Variants in PDCL2 observed in about 807,000 individuals in gnomAD.
The protein encoded by PDCL2 is phosducin-like protein 2.
A neutral mutation model predicts 30.3 loss-of-function variants in PDCL2; 23 were observed. The observed-to-expected ratio is 0.76, with a 90% CI of 0.55 to 1.08. PDCL2 has a LOEUF of 1.08. PDCL2 is among the 50% of genes least tolerant of loss of function. The pLI is 0.00. For missense variants in PDCL2, 243 were observed against 282.3 expected, an observed-to-expected ratio of 0.86 and a Z score of 1.00; for synonymous variants, 68 against 86.2, an observed-to-expected ratio of 0.79 and a Z score of 1.17.
intron 3 of PDCL2, among the ~76,000 whole-genome samples, 156 bp from the exon 4 acceptor site, chr4:55,570,017 TTC>T (rs1406678456): frequency 6.6e-6 from 1 of 152,146 alleles, no homozygotes; most frequent in Non-Finnish European, 1.5e-5. Flanking sequence ...TAAAACCAAT[TTC>T]TCTTTTTATA....
At chr4:55,588,519 C>T (rs915656094) in intron 1 of PDCL2, among the ~76,000 whole-genome samples, 3 of 152,268 alleles carry the variant, frequency 2.0e-5, no homozygotes, top group Non-Finnish European at 2.9e-5. Flanking sequence ...TGATGTCTCC[C>T]GAAATGCAAG....
In PDCL2 at chr4:55,559,166, G is replaced by A. The variant is rs572353961; in HGVS notation, c.572-2455C>T. The stretch of plus-strand genomic sequence containing the variant: ...AGATGTGGGTATATCTTCAAACACC[G>A]ATGGAAGGATAAATTGATACTTTCA... On this transcript the variant is annotated intron_variant, in intron 5 of 5. Coordinates refer to ENST00000295645, the MANE Select transcript of PDCL2 (RefSeq NM_152401.3). Among the ~76,000 whole-genome samples, 94 of 152,234 alleles carry A rather than the reference G, an allele frequency of 6.2e-4. 1 individual carries two copies. Among genetic ancestry groups the A allele is most frequent in the African/African-American group, 2.1e-3 (86 of 41,560 alleles).
At chr4:55,576,986 C>T (rs1216182934) in intron 3 of PDCL2, among the ~76,000 whole-genome samples, 1 of 152,002 alleles carries the variant, frequency 6.6e-6, no homozygotes, top group Non-Finnish European at 1.5e-5. Flanking sequence ...CAACCTCTGC[C>T]TCCCAGATTC....
At chr4:55,563,912 G>A (rs1732197417) in intron 4 of PDCL2, among the ~76,000 whole-genome samples, 1 of 152,154 alleles carries the variant, frequency 6.6e-6, no homozygotes, top group South Asian at 2.1e-4. Flanking sequence ...ACCTTTCAAG[G>A]CATCAGATTC....
chr4:55,569,779 C>T lies in PDCL2; in HGVS notation c.301G>A (p.Val101Met). 4 of 1,566,310 alleles carry T rather than the reference C, an allele frequency of 2.6e-6. No individual in the cohort carries two copies. In the South Asian group the frequency reaches 4.7e-5, roughly 18 times the overall value. Residue 101 changes from valine (V) to methionine (M), a missense_variant, in exon 4 of 6, where the codon GTG (valine) becomes ATG (methionine). Val to Met is a conservative substitution (Grantham distance 21, BLOSUM62 1). Coordinates refer to ENST00000295645, the MANE Select transcript of PDCL2 (RefSeq NM_152401.3). ...TCTTCTGCATTTGTGACTTCATTCA[C>T]ATACTGATTTCCAGAAATTTCTCTT... ...ELREISGNQY[V>M]NEVTNAEEDV...
chr4:55,592,218 C>G lies in PDCL2; in HGVS notation c.-109G>C. 6.6e-7 allele frequency: 1 copy of G among 1,508,686 alleles called. No individual in the cohort carries two copies. The highest frequency in any genetic ancestry group is 9.0e-7 in the Non-Finnish European group (1 of 1,114,460). 93.5% of individuals were successfully genotyped at this position (1,508,686 alleles called of 1,614,324 possible). ...GCTGGAAGAGCGCCCGCTTCAGGCC[C>G]GGCGGTTTCGAGTGACCGCCAGAAG... On this transcript the variant is annotated 5_prime_UTR_variant, in exon 1 of 6. Coordinates refer to ENST00000295645, the MANE Select transcript of PDCL2 (RefSeq NM_152401.3).
intron 2 of PDCL2, among the ~76,000 whole-genome samples, chr4:55,581,545 C>CA (rs1230498636): frequency 1.3e-5 from 2 of 151,994 alleles, no homozygotes; most frequent in African/African-American, 2.4e-5. Flanking sequence ...GGTAATAAGG[C>CA]AGAGGGACAT....
In PDCL2 at chr4:55,562,419, TTA is replaced by T. The variant is rs1732156508; in HGVS notation, c.554_555del (p.Ile185LysfsTer8). 1 of 1,413,642 alleles carries T rather than the reference TTA, an allele frequency of 7.1e-7. No homozygotes were observed. The highest frequency in any genetic ancestry group is 9.3e-7 in the Non-Finnish European group (1 of 1,076,660). The allele number at this position is 1,413,642 out of a possible 1,614,324, so 87.6% of individuals were successfully genotyped here. ...KFIGIIECGG[I>X]NLKLEELEWK... ...GTAACATTACCTTCCAGCTTGAGAT[TTA>T]TCCCTCCACATTCTATAATTCCAAT... On this transcript the variant is annotated frameshift_variant, in exon 5 of 6. Transcript: ENST00000295645. LOFTEE classifies it high-confidence loss of function.
At chr4:55,577,246 C>T (rs940313361) in intron 3 of PDCL2, among the ~76,000 whole-genome samples, 2 of 152,156 alleles carry the variant, frequency 1.3e-5, no homozygotes, top group Non-Finnish European at 2.9e-5. Flanking sequence ...AGGGGTAGCC[C>T]TCATGACCTA....
chr4:55,562,001 T>A (rs965655098), intron 5 of PDCL2, among the ~76,000 whole-genome samples: 2 of 151,982 alleles, frequency 1.3e-5, no homozygotes, highest in Non-Finnish European at 1.5e-5. Context: ...AACTTTGGAT[T>A]TGGATAATAG....
At chr4:55,581,513 A>G (rs915791289) in intron 2 of PDCL2, among the ~76,000 whole-genome samples, 1 of 152,200 alleles carries the variant, frequency 6.6e-6, no homozygotes, top group African/African-American at 2.4e-5. Flanking sequence ...AATACATACT[A>G]TAAAGAATGA....
At chr4:55,589,880 A>AAGTTATG (rs1168821484) in intron 1 of PDCL2, among the ~76,000 whole-genome samples, 7 of 152,080 alleles carry the variant, frequency 4.6e-5, no homozygotes, top group Non-Finnish European at 8.8e-5. Flanking sequence ...GGAGGTGACC[A>AAGTTATG]GGAAAAGCAG....
Position 55,576,276 on chromosome 4 carries a change from A to G in PDCL2, c.218+4545T>C, listed in dbSNP as rs367826247. Among the ~76,000 whole-genome samples the G allele has an allele frequency of 2.0e-5, 3 of 152,166 alleles. No individual in the cohort carries two copies. The East Asian group carries it at 5.8e-4, about 29-fold the overall frequency. ...CAGCTAAATTTTTTGTATTTTTATT[A>G]GAGACGGGGTTTCACCATGTTGGCC... On this transcript the variant is annotated intron_variant, in intron 3 of 5. Coordinates refer to ENST00000295645, the MANE Select transcript of PDCL2 (RefSeq NM_152401.3).
intron 5 of PDCL2, among the ~76,000 whole-genome samples, chr4:55,557,121 A>G (rs1731990471): frequency 6.6e-6 from 1 of 152,232 alleles, no homozygotes; most frequent in Non-Finnish European, 1.5e-5. Context: ...TACAGGCGTG[A>G]GCCACCACGC....
At chr4:55,587,092 T>C (rs1294617378) in intron 1 of PDCL2, among the ~76,000 whole-genome samples, 2 of 151,644 alleles carry the variant, frequency 1.3e-5, no homozygotes. Flanking sequence ...AAATCTAAGA[T>C]TATGGCACTG....
At chr4:55,557,951 CAAAAAAAAA>C (rs57872861) in intron 5 of PDCL2, among the ~76,000 whole-genome samples, 2 of 126,314 alleles carry the variant, frequency 1.6e-5, no homozygotes, top group Non-Finnish European at 3.3e-5. Context: ...ACTAAAAATA[CAAAAAAAAA>C]AAAAAAAAAA....
chr4:55,558,748 G>T (rs1469968998), intron 5 of PDCL2, among the ~76,000 whole-genome samples: 2 of 152,064 alleles, frequency 1.3e-5, no homozygotes, highest in African/African-American at 2.4e-5. Flanking sequence ...GCAAAGTAAA[G>T]AAAAAGATTA....
At chr4:55,564,372 G>A (rs1395181803) in intron 4 of PDCL2, among the ~76,000 whole-genome samples, 2 of 152,186 alleles carry the variant, frequency 1.3e-5, no homozygotes, top group Non-Finnish European at 1.5e-5. Context: ...ACAGCAAGTA[G>A]TAGGGGAACA....
intron 4 of PDCL2, among the ~76,000 whole-genome samples, chr4:55,564,931 A>C (rs1732224478): frequency 6.6e-6 from 1 of 152,200 alleles, no homozygotes; most frequent in Non-Finnish European, 1.5e-5. Context: ...GCCCCGAATC[A>C]TTCCTGGACT....
Sources: allele counts gnomAD v4.1 joint callset (sites outside exome capture counted in the v4.1 genomes callset), GRCh38; gene constraint gnomAD v4.1.1; transcripts MANE v1.5; gene names NCBI Gene and HGNC (gene_info 2026-07-23, HGNC 2026-07-21).